FMO5: variants seen among roughly 807,000 people sequenced by gnomAD.
FMO5 encodes the protein flavin-containing monooxygenase 5.
A neutral mutation model predicts 43.6 loss-of-function variants in FMO5; 51 were observed. That is an observed-to-expected ratio of 1.17 (90% CI 0.93 to 1.48). FMO5 has a LOEUF of 1.48. FMO5 is among the 40% of genes most tolerant of loss of function. The pLI is 0.00. For synonymous variants in FMO5, 187 were observed against 216.5 expected (o/e 0.86, Z 1.20); for missense variants, 644 against 643.0 (o/e 1.00, Z -0.02).
intron 7 of FMO5, among the ~76,000 whole-genome samples, chr1:147,196,482 AAAAG>A (rs782074258): frequency 1.3e-5 from 2 of 152,026 alleles, no homozygotes; most frequent in Non-Finnish European, 2.9e-5. Flanking sequence ...CCCAATTCAT[AAAAG>A]AAAGAAAAAA....
chr1:147,184,664 G>A (rs1655465104), downstream of FMO5: 1 of 1,475,576 alleles, frequency 6.8e-7, no homozygotes, highest in African/African-American at 1.4e-5. This position sits in a 1 kb window ranked among gnomAD's most constrained non-coding sequence, Gnocchi z 4.4. Flanking sequence ...ATACAACAGA[G>A]AGGTAAAGTG....
intron 7 of FMO5, among the ~76,000 whole-genome samples, chr1:147,194,787 G>A (rs1553919411): frequency 6.6e-6 from 1 of 151,930 alleles, no homozygotes; most frequent in African/African-American, 2.4e-5. Flanking sequence ...GGCTGGATAT[G>A]AAATTCTGGG....
intron 4 of FMO5, among the ~76,000 whole-genome samples, chr1:147,213,014 T>C (rs1030377802): frequency 2.0e-5 from 3 of 152,128 alleles, no homozygotes; most frequent in African/African-American, 4.8e-5. Flanking sequence ...AATTCCTTAT[T>C]CTACCTAATG....
chr1:147,206,516 A>G (rs1370984554), intron 6 of FMO5, among the ~76,000 whole-genome samples: 1 of 152,238 alleles, frequency 6.6e-6, no homozygotes, highest in African/African-American at 2.4e-5. Context: ...ACCAACCCAA[A>G]TGTCCAACAA....
At chr1:147,216,035 G>T in intron 2 of FMO5, 93 bp from the exon 3 acceptor site, 1 of 877,182 alleles carries the variant, frequency 1.1e-6, no homozygotes, top group Non-Finnish European at 1.8e-6. Flanking sequence ...TCTGAAAGAA[G>T]TGTCAATTAA....
At chr1:147,188,642 T>C (rs1435217632) in intron 8 of FMO5, among the ~76,000 whole-genome samples, 3 of 150,864 alleles carry the variant, frequency 2.0e-5, no homozygotes, top group Non-Finnish European at 4.4e-5. Flanking sequence ...TGTATACACA[T>C]AGTCGGCCTT....
At position 147,186,944 on chromosome 1, in the gene FMO5, TA is replaced by T. The variant is rs782782789; in HGVS notation, c.1557del (p.Phe519LeufsTer3). ...SMTSTMTIGKFMLALAFFAII... is the reference protein window; with the variant it reads ...SMTSTMTIGKXMLALAFFAII... ...ATAGCAAAGAAGGCAAGAGCTAGCATAAACTTGCCTATTGTCATTGTTGAAG... is the reference window on the plus strand; with the variant it reads ...ATAGCAAAGAAGGCAAGAGCTAGCATAACTTGCCTATTGTCATTGTTGAAG... On this transcript the variant is annotated frameshift_variant, in exon 9 of 9. Transcript: ENST00000254090. LOFTEE classifies it high-confidence loss of function. 3.1e-6 allele frequency: 5 copies of T among 1,614,138 alleles called. No homozygotes were observed. Among genetic ancestry groups the T allele is most frequent in the Non-Finnish European group, 4.2e-6 (5 of 1,179,996 alleles).
At chr1:147,203,953 T>C in intron 6 of FMO5, 1 of 1,295,546 alleles carries the variant, frequency 7.7e-7, no homozygotes, top group Non-Finnish European at 1.1e-6. Context: ...TAGCACCAAC[T>C]GTTTTACAGA....
At chr1:147,190,338 A>G (rs1656470384) in intron 7 of FMO5, 89 bp from the exon 8 acceptor site, 2 of 827,428 alleles carry the variant, frequency 2.4e-6, no homozygotes, top group Non-Finnish European at 3.9e-6. Context: ...GGAGAATTCA[A>G]AGAAATACAG....
chr1:147,189,282 A>AG (rs1470718349), intron 8 of FMO5, among the ~76,000 whole-genome samples: 1 of 152,058 alleles, frequency 6.6e-6, no homozygotes, highest in African/African-American at 2.4e-5. Context: ...AAAAAAAAAA[A>AG]AAGGCAGTTT....
intron 7 of FMO5, among the ~76,000 whole-genome samples, chr1:147,200,466 G>A (rs1658776547): frequency 6.6e-6 from 1 of 152,114 alleles, no homozygotes; most frequent in Non-Finnish European, 1.5e-5. Flanking sequence ...ATCATTAGGT[G>A]TGGTCTGGCC....
chr1:147,205,244 A>G (rs1659775410), intron 6 of FMO5, among the ~76,000 whole-genome samples: 1 of 152,230 alleles, frequency 6.6e-6, no homozygotes, highest in Non-Finnish European at 1.5e-5. Context: ...AAAGGTTTTT[A>G]GGAAACACAG....
chr1:147,193,836 C>CATGTAGTTGAGTGGTTT (rs1553919107), intron 7 of FMO5, among the ~76,000 whole-genome samples: 4 of 152,068 alleles, frequency 2.6e-5, no homozygotes, highest in Non-Finnish European at 5.9e-5. Context: ...TTTTTTAGTC[C>CATGTAGTTGAGTGGTTT]TGAGTTCTAG....
At chr1:147,191,173 ATTTAT>A (rs1328687639) in intron 7 of FMO5, among the ~76,000 whole-genome samples, 2 of 152,126 alleles carry the variant, frequency 1.3e-5, no homozygotes, top group African/African-American at 4.8e-5. Flanking sequence ...TAGCAGCATG[ATTTAT>A]AATCCTTTGG....
intron 6 of FMO5, among the ~76,000 whole-genome samples, chr1:147,208,062 T>C (rs1553922807): frequency 6.6e-6 from 1 of 152,220 alleles, no homozygotes; most frequent in Admixed American, 6.5e-5. Context: ...TACCAACTTA[T>C]AGGGCTATTG....
At chr1:147,213,201 C>G in intron 4 of FMO5, 107 bp downstream of exon 4, 1 of 916,162 alleles carries the variant, frequency 1.1e-6, no homozygotes, top group Admixed American at 2.8e-5. Flanking sequence ...TAGGATAAGT[C>G]TTACTTCATT....
chr1:147,218,206 GAATGGTTTAGTA>G (rs1553925442), intron 2 of FMO5, among the ~76,000 whole-genome samples: 3 of 151,460 alleles, frequency 2.0e-5, no homozygotes, highest in Non-Finnish European at 4.4e-5. Flanking sequence ...CAAAATAGAT[GAATGGTTTAGTA>G]AATTATAGTA....
chr1:147,201,252 C>T lies in FMO5; in HGVS notation c.1083G>A (p.Leu361=), dbSNP rs1559649124. 6 of 1,614,136 alleles carry T rather than the reference C, an allele frequency of 3.7e-6. No individual in the cohort carries two copies. Among genetic ancestry groups the T allele is most frequent in the Admixed American group, 3.3e-5 (2 of 60,010 alleles). ...SLYKKVFPPN[L]ERPTLAIIGL... The stretch of plus-strand genomic sequence containing the variant: ...CTATGATTGCAAGAGTTGGCCTTTC[C>T]AGGTTAGGAGGGAAGACCTTTTTAT... The change falls in exon 7 of 9, where the codon CTG becomes CTA. Residue 361 remains leucine, a synonymous_variant. Coordinates refer to ENST00000254090, the MANE Select transcript of FMO5 (RefSeq NM_001461.4).
intron 3 of FMO5, chr1:147,215,004 G>C (rs1225253994): frequency 1.3e-5 from 2 of 151,322 alleles, no homozygotes; most frequent in Non-Finnish European, 2.9e-5. Flanking sequence ...GACTTAGCAG[G>C]ATGATCAGAA....
Sources: allele counts gnomAD v4.1 joint callset (sites outside exome capture counted in the v4.1 genomes callset), GRCh38; gene constraint gnomAD v4.1.1; non-coding constraint Gnocchi (gnomAD v3.1); transcripts MANE v1.5; gene names NCBI Gene and HGNC (gene_info 2026-07-23, HGNC 2026-07-21).